PLCH2: variants seen among roughly 807,000 people sequenced by gnomAD.
The protein encoded by PLCH2 is 1-phosphatidylinositol 4,5-bisphosphate phosphodiesterase eta-2.
In PLCH2, 98 loss-of-function variants were observed where a neutral mutation model predicts 134.7. The ratio of observed to expected loss-of-function variants is 0.73; its 90% CI spans 0.62 to 0.86. The LOEUF is 0.86. Ranked by LOEUF, PLCH2 falls within the 40% of genes least tolerant of loss-of-function variation. PLCH2 has a pLI of 0.00. For missense variants in PLCH2, 1,994 were observed against 1,986.6 expected (o/e 1.00, Z -0.07); for synonymous variants, 974 against 827.5 (o/e 1.18, Z -3.04).
At position 2,487,719 on chromosome 1, in the gene PLCH2, G is replaced by A. The variant is rs1558011238; in HGVS notation, c.1235+1G>A. ...ACAAATATGCCTTCATCAAGAATGAGTGAGTGGCTGGGCCTAGCGGGGCTG... is the reference window on the plus strand; with the variant it reads ...ACAAATATGCCTTCATCAAGAATGAATGAGTGGCTGGGCCTAGCGGGGCTG... On this transcript the variant is annotated splice_donor_variant, in intron 8 of 21. Coordinates refer to ENST00000378486, the MANE Select transcript of PLCH2 (RefSeq NM_014638.4). LOFTEE classifies it high-confidence loss of function. The A allele has an allele frequency of 6.2e-7, 1 of 1,612,662 alleles. No homozygotes were observed. The highest frequency in any genetic ancestry group is 8.5e-7 in the Non-Finnish European group (1 of 1,179,632).
chr1:2,504,731 C>T lies in PLCH2; in HGVS notation c.3769C>T (p.Leu1257=). The T allele has an allele frequency of 1.9e-6, 3 of 1,612,590 alleles. No individual in the cohort carries two copies. The South Asian group carries it at 3.3e-5, about 18-fold the overall frequency. The change falls in exon 22 of 22, where the codon CTG becomes TTG. Residue 1257 remains leucine (L), a synonymous_variant. Transcript: ENST00000378486. ...DCPVAAKSKS[L]GDLTADDFAP... ...CCCCGTGGCTGCCAAGTCCAAGAGC[C>T]TGGGCGACCTCACTGCTGATGACTT...
intron 2 of PLCH2, among the ~76,000 whole-genome samples, chr1:2,435,733 G>C (rs1570237557): frequency 6.6e-6 from 1 of 152,022 alleles, no homozygotes; most frequent in African/African-American, 2.4e-5. Context: ...TACAGCCAGG[G>C]TGGAGAAGAT....
intron 4 of PLCH2, among the ~76,000 whole-genome samples, chr1:2,482,764 G>A (rs1003208514): frequency 2.4e-4 from 37 of 152,316 alleles, no homozygotes; most frequent in African/African-American, 7.7e-4. Flanking sequence ...ACGGGAGGAG[G>A]CAAGGCTGGT....
At chr1:2,459,112 G>C (rs1317042762) in intron 2 of PLCH2, among the ~76,000 whole-genome samples, 1 of 152,282 alleles carries the variant, frequency 6.6e-6, no homozygotes, top group Non-Finnish European at 1.5e-5. Context: ...TCAGGAGGCG[G>C]CCTTGGTGAT....
rs997828059 is a variant in PLCH2, at chr1:2,498,876, G to A, written c.2434+48G>A. On this transcript the variant is annotated intron_variant, in intron 18 of 21. Coordinates refer to ENST00000378486, the MANE Select transcript of PLCH2 (RefSeq NM_014638.4). This position sits in a 1 kb window ranked among gnomAD's most constrained non-coding sequence, Gnocchi z 5.4. ...TCACACCTGTGATGGAAGTCTGAGG[G>A]GGGAGGGTTGGGGCTACCTGGTGTG... 2.0e-6 allele frequency: 3 copies of A among 1,467,446 alleles called. No homozygotes were observed. The highest frequency in any genetic ancestry group is 2.8e-6 in the Non-Finnish European group (3 of 1,062,168). 90.9% of individuals were successfully genotyped at this position (1,467,446 alleles called of 1,614,324 possible). A position where few individuals can be genotyped will look rare whatever the true frequency, so the allele number is the denominator to read the frequency against.
chr1:2,498,157 C>G lies in PLCH2; in HGVS notation c.2225-366C>G. ...TGCTGTGGACCAGCTACTTCCACCT[C>G]TGCCCTTGGCTTGCCCTCCTCAGAG... On this transcript the variant is annotated intron_variant, in intron 16 of 21. Coordinates refer to ENST00000378486, the MANE Select transcript of PLCH2 (RefSeq NM_014638.4). The surrounding 1 kb of genome is among the most constrained non-coding windows in gnomAD (Gnocchi z 5.4). 1 of 293,290 alleles carries G rather than the reference C, an allele frequency of 3.4e-6. No homozygotes were observed. The allele number at this position is 293,290 out of a possible 1,614,324, so 18.2% of individuals were successfully genotyped here. A position where few individuals can be genotyped will look rare whatever the true frequency, so the allele number is the denominator to read the frequency against.
chr1:2,482,527 T>C (rs903563377), intron 4 of PLCH2, among the ~76,000 whole-genome samples: 2 of 152,232 alleles, frequency 1.3e-5, no homozygotes, highest in Non-Finnish European at 2.9e-5. Flanking sequence ...GGGCCCTTCA[T>C]GCCACGCTGG....
Position 2,505,182 on chromosome 1 carries a change from C to A in PLCH2, c.4220C>A (p.Ala1407Asp). The A allele has an allele frequency of 6.4e-7, 1 of 1,572,342 alleles. No individual in the cohort carries two copies. The highest frequency in any genetic ancestry group is 1.7e-5 in the Admixed American group (1 of 57,176). ...SKGALGPASA[A>D]AENLVLLRL is the part of the protein sequence containing the mutation. ...GGAGCCCTCGGGCCAGCATCCGCGG[C>A]TGCTGAAAACCTGGTCCTGCTCCGC... Residue 1407 changes from alanine (A) to aspartate (D), a missense_variant, in exon 22 of 22, where the codon GCT becomes GAT. Ala to Asp is a moderately radical substitution (Grantham distance 126). Transcript: ENST00000378486.
At chr1:2,486,416 C>G (rs1280042523) in intron 5 of PLCH2, among the ~76,000 whole-genome samples, 1 of 152,194 alleles carries the variant, frequency 6.6e-6, no homozygotes, top group African/African-American at 2.4e-5. Context: ...CCATAGCGCC[C>G]TGGAGGTCCC....
At position 2,457,610 on chromosome 1, in the gene PLCH2, C is replaced by G. The variant is rs148392899; in HGVS notation, c.116-20866C>G. 5.3e-3 allele frequency among the ~76,000 whole-genome samples: 801 copies of G among 152,232 alleles called. 13 individuals are homozygous for G. Among genetic ancestry groups the G allele is most frequent in the African/African-American group, 0.018 (764 of 41,548 alleles). On this transcript the variant is annotated intron_variant, in intron 2 of 3. Transcript: ENST00000609981. ...TGAGCTGCTGGATGGCCTCCTGCCT[C>G]TCAGGGGCCCAACAGCGACCTGCAG...
At chr1:2,457,975 G>A (rs1363586200) in intron 2 of PLCH2, among the ~76,000 whole-genome samples, 1 of 152,052 alleles carries the variant, frequency 6.6e-6, no homozygotes, top group Non-Finnish European at 1.5e-5. Flanking sequence ...AGAGAGCAAC[G>A]TGCGGGCCTC....
At chr1:2,473,127 G>A (rs931633305), upstream of PLCH2, among the ~76,000 whole-genome samples, 11 of 152,084 alleles carry the variant, frequency 7.2e-5, no homozygotes, top group African/African-American at 1.9e-4. Flanking sequence ...CTGACAGCGC[G>A]CGCTCTTCCT....
chr1:2,480,537 G>A (rs1164278196), intron 4 of PLCH2, among the ~76,000 whole-genome samples: 2 of 152,236 alleles, frequency 1.3e-5, no homozygotes, highest in African/African-American at 4.8e-5. Context: ...CTTTGCAGCT[G>A]GGCCGGGGGC....
At chr1:2,455,662 C>T (rs4648845) in intron 2 of PLCH2, among the ~76,000 whole-genome samples, 78,300 of 152,036 alleles carry the variant, frequency 0.52, 20,683 homozygotes, top group East Asian at 0.82. Context: ...CAGGAGCAGT[C>T]AGAAGCTTCA....
At chr1:2,487,850 C>G in intron 8 of PLCH2, 132 bp downstream of exon 8, 1 of 847,100 alleles carries the variant, frequency 1.2e-6, no homozygotes, top group African/African-American at 1.7e-5. Context: ...GGGCTGGTTT[C>G]ATTCTGGCAT....
rs754490334 is a variant in PLCH2, at chr1:2,487,275, C to T, written c.1013C>T (p.Thr338Ile). ...MTQPLSHYFI[T>I]SSHNTYLVGD... ...CAGCCGCTGAGCCACTACTTCATCA[C>T]CTCGTCCCACAACACCTACCTCGTG... The change falls in exon 7 of 22, where the codon ACC (threonine) becomes ATC (isoleucine). Residue 338 changes from threonine to isoleucine, a missense_variant. By Grantham distance (89) the Thr-to-Ile change is moderately conservative. Transcript: ENST00000378486. 1.5e-5 allele frequency: 25 copies of T among 1,613,632 alleles called. No homozygotes were observed. Among genetic ancestry groups the T allele is most frequent in the Non-Finnish European group, 1.9e-5 (23 of 1,179,890 alleles).
At chr1:2,500,601 GC>G (rs1238182440) in intron 20 of PLCH2, 1 of 152,276 alleles carries the variant, frequency 6.6e-6, no homozygotes, top group Admixed American at 6.5e-5. Flanking sequence ...CGCCGCCCCT[GC>G]ATGCCCAGGC....
Position 2,446,764 on chromosome 1 carries a change from G to GGCAGAGGGGTCGGGGCCT in PLCH2, c.115+16147_115+16164dup, listed in dbSNP as rs1397965447. On this transcript the variant is annotated intron_variant, in intron 2 of 3. Coordinates refer to the PLCH2 transcript ENST00000609981. ...TTGGGCTGGCAGAGGGGTTGGGGCT[G>GGCAGAGGGGTCGGGGCCT]GCAGAGGGGTCGGGGCCTGCAGAGG... Among the ~76,000 whole-genome samples the GGCAGAGGGGTCGGGGCCT allele has an allele frequency of 4.6e-5, 7 of 152,254 alleles. No homozygotes were observed. The East Asian group carries it at 1.2e-3, about 25-fold the overall frequency.
chr1:2,446,535 A>G (rs1052586033), intron 2 of PLCH2, among the ~76,000 whole-genome samples: 1 of 152,136 alleles, frequency 6.6e-6, no homozygotes, highest in African/African-American at 2.4e-5. Flanking sequence ...CGCCCTCCGG[A>G]TTATTCTTAG....
Sources: allele counts gnomAD v4.1 joint callset (sites outside exome capture counted in the v4.1 genomes callset), GRCh38; gene constraint gnomAD v4.1.1; non-coding constraint Gnocchi (gnomAD v3.1); transcripts MANE v1.5; gene names NCBI Gene and HGNC (gene_info 2026-07-23, HGNC 2026-07-21).